PPP1R15B: variants seen among roughly 807,000 people sequenced by gnomAD.
The protein encoded by PPP1R15B is protein phosphatase 1 regulatory subunit 15B.
Under a neutral mutation model 53.9 loss-of-function variants are expected in PPP1R15B, and 31 were observed. The observed-to-expected ratio is 0.58, with a 90% confidence interval of 0.43 to 0.78. PPP1R15B has a LOEUF of 0.78. Ranked by LOEUF, PPP1R15B falls within the 30% of genes least tolerant of loss-of-function variation. The probability of loss-of-function intolerance (pLI) is 0.00; values close to 1 mark genes in which losing one functional copy is unlikely to be tolerated. For missense variants in PPP1R15B, 928 were observed against 849.6 expected, an observed-to-expected ratio of 1.09 and a Z score of -1.15; for synonymous variants, 345 against 329.1, an observed-to-expected ratio of 1.05 and a Z score of -0.52.
rs535999861 is a variant in PPP1R15B, at chr1:204,411,570, G to A, written c.-159C>T. 1.0e-4 allele frequency: 100 copies of A among 976,228 alleles called. No individual in the cohort carries two copies. The highest frequency in any genetic ancestry group is 1.4e-4 in the Non-Finnish European group (96 of 665,268). The allele number at this position is 976,228 out of a possible 1,614,324, so 60.5% of individuals were successfully genotyped here. ...CAGCAGAAAAGCCACAGAGGGCAGC[G>A]AATGCGGCAGCGGGCGGCAGAACAC... is the stretch of plus-strand genomic sequence containing the variant. On this transcript the variant is annotated 5_prime_UTR_variant, in exon 1 of 2. Coordinates refer to ENST00000367188, the MANE Select transcript of PPP1R15B (RefSeq NM_032833.5).
Position 204,410,638 on chromosome 1 carries a change from G to A in PPP1R15B, c.774C>T (p.Ser258=), listed in dbSNP as rs1178476157. The A allele has an allele frequency of 1.9e-6, 3 of 1,613,926 alleles. No homozygotes were observed. The highest frequency in any genetic ancestry group is 2.5e-6 in the Non-Finnish European group (3 of 1,179,948). Residue 258 remains serine, a synonymous_variant, in exon 1 of 2, where the codon AGC becomes AGT. Transcript: ENST00000367188. ...GATGACAATGGTCCTCTCTCAGGCAGCTGCTCTCTGGGGTTAGTGTCTGGA... is the reference window on the plus strand; with the variant it reads ...GATGACAATGGTCCTCTCTCAGGCAACTGCTCTCTGGGGTTAGTGTCTGGA... The part of the protein sequence containing the change: ...VGFQTLTPES[S]CLREDHCHPQ...
chr1:204,409,666 C>T lies in PPP1R15B; in HGVS notation c.1746G>A (p.Glu582=). 6.2e-7 allele frequency: 1 copy of T among 1,614,120 alleles called. No homozygotes were observed. The highest frequency in any genetic ancestry group is 8.5e-7 in the Non-Finnish European group (1 of 1,180,012). ...GGGTCTTTGAGTCACGACAGCCTTTCTCATTTTCCCCTGATGTTTGAAAAG... is the reference window on the plus strand; with the variant it reads ...GGGTCTTTGAGTCACGACAGCCTTTTTCATTTTCCCCTGATGTTTGAAAAG... ...KAPFQTSGEN[E]KGCRDSKTPS... The change falls in exon 1 of 2, where the codon GAG becomes GAA. Residue 582 remains glutamate (E), a synonymous_variant. Transcript: ENST00000367188.
chr1:204,402,661 A>G (rs1367748836), downstream of PPP1R15B, among the ~76,000 whole-genome samples: 1 of 151,738 alleles, frequency 6.6e-6, no homozygotes, highest in Non-Finnish European at 1.5e-5. Context: ...GCCTCAAGCA[A>G]TCCTCCCACC....
chr1:204,405,323 G>T lies in PPP1R15B; in HGVS notation c.*769C>A, dbSNP rs1469454785. 1.0e-6 allele frequency: 1 copy of T among 980,046 alleles called. No individual in the cohort carries two copies. Among genetic ancestry groups the T allele is most frequent in the Non-Finnish European group, 1.2e-6 (1 of 825,108 alleles). 60.7% of individuals were successfully genotyped at this position (980,046 alleles called of 1,614,324 possible). ...GATACAAAGAACTATATTAAACTGG[G>T]AACTACAATAACGTACACAGAACCC... On this transcript the variant is annotated 3_prime_UTR_variant, in exon 2 of 2. Transcript: ENST00000367188.
downstream of PPP1R15B, among the ~76,000 whole-genome samples, chr1:204,397,065 G>A (rs1240699530): frequency 4.6e-5 from 7 of 152,092 alleles, no homozygotes; most frequent in Non-Finnish European, 2.9e-5. Context: ...GTGTGAGCCT[G>A]TGGTCCCAGC....
At position 204,409,587 on chromosome 1, in the gene PPP1R15B, C is replaced by T. The variant is rs780012685; in HGVS notation, c.1825G>A (p.Val609Met). Reference protein sequence around the residue: ...SECHTLLSCKVQLLGSQESEC... With the variant: ...SECHTLLSCKMQLLGSQESEC... Reference sequence around the variant, plus strand: ...CTTTCTTGGCTCCCCAACAGCTGCACCTTACAAGAAAGTAAGGTGTGACAC... The same window carrying T: ...CTTTCTTGGCTCCCCAACAGCTGCATCTTACAAGAAAGTAAGGTGTGACAC... Residue 609 changes from valine (V) to methionine (M), a missense_variant, in exon 1 of 2, where the codon GTG becomes ATG. Coordinates refer to ENST00000367188, the MANE Select transcript of PPP1R15B (RefSeq NM_032833.5). 1.2e-6 allele frequency: 2 copies of T among 1,614,134 alleles called. No homozygotes were observed. Among genetic ancestry groups the T allele is most frequent in the Admixed American group, 1.7e-5 (1 of 60,020 alleles).
Position 204,411,264 on chromosome 1 carries a change from G to A in PPP1R15B, c.148C>T (p.Leu50=), listed in dbSNP as rs201073582. ...GTCTCGGGCTGGGCAGAGGAAAGCA[G>A]TGTGGGGTTCCCGGAGTTTTCCGGG... ...LGPENSGNPT[L]LSSAQPETRV... Residue 50 remains leucine, a synonymous_variant, in exon 1 of 2, where the codon CTG becomes TTG. Transcript: ENST00000367188. 6.2e-6 allele frequency: 10 copies of A among 1,614,254 alleles called. No individual in the cohort carries two copies. The East Asian group carries it at 1.3e-4, about 22-fold the overall frequency.
intron 1 of PPP1R15B, among the ~76,000 whole-genome samples, chr1:204,408,986 C>G (rs1213749803): frequency 1.3e-5 from 2 of 152,190 alleles, no homozygotes; most frequent in Non-Finnish European, 2.9e-5. Flanking sequence ...CCAGATAAAT[C>G]TGACTTGCTA....
At chr1:204,402,987 G>A (rs569505849), downstream of PPP1R15B, among the ~76,000 whole-genome samples, 22 of 152,162 alleles carry the variant, frequency 1.4e-4, no homozygotes, top group South Asian at 4.2e-4. Context: ...CAGGAGAATC[G>A]CTTGAAACCG....
At position 204,411,230 on chromosome 1, in the gene PPP1R15B, C is replaced by G; in HGVS notation, c.182G>C (p.Ser61Thr). The change falls in exon 1 of 2, where the codon AGT (serine) becomes ACT (threonine). Residue 61 changes from serine (S) to threonine (T), a missense_variant. Physicochemically the swap from Ser to Thr is moderately conservative, Grantham distance 58 (BLOSUM62 1). Coordinates refer to ENST00000367188, the MANE Select transcript of PPP1R15B (RefSeq NM_032833.5). ...LSSAQPETRV[S>T]YWTKLLSQLL... is the part of the protein sequence containing the mutation. ...CTGGGAGAGCAGTTTCGTCCAGTAA[C>G]TGACCCGAGTCTCGGGCTGGGCAGA... is the stretch of plus-strand genomic sequence containing the variant. The G allele has an allele frequency of 6.2e-7, 1 of 1,614,256 alleles. No individual in the cohort carries two copies. Among genetic ancestry groups the G allele is most frequent in the Non-Finnish European group, 8.5e-7 (1 of 1,180,046 alleles).
Position 204,411,446 on chromosome 1 carries a change from C to G in PPP1R15B, c.-35G>C. The G allele has an allele frequency of 6.3e-7, 1 of 1,583,716 alleles. No homozygotes were observed. The highest frequency in any genetic ancestry group is 1.1e-5 in the South Asian group (1 of 87,982). On this transcript the variant is annotated 5_prime_UTR_variant, in exon 1 of 2. Coordinates refer to ENST00000367188, the MANE Select transcript of PPP1R15B (RefSeq NM_032833.5). ...CTTGACAGTCTCTCAGGTAGGGCCG[C>G]GGCGCTCAGCGGCTGGAGGTCGACG...
At chr1:204,408,085 T>C (rs1471659429) in intron 1 of PPP1R15B, among the ~76,000 whole-genome samples, 1 of 152,246 alleles carries the variant, frequency 6.6e-6, no homozygotes, top group East Asian at 1.9e-4. Context: ...TTTTATTTAC[T>C]TGTCTCATTT....
chr1:204,402,381 A>G (rs1674192033), downstream of PPP1R15B, among the ~76,000 whole-genome samples: 2 of 152,154 alleles, frequency 1.3e-5, no homozygotes, highest in Admixed American at 1.3e-4. Flanking sequence ...GACAGTCTCA[A>G]TGATCCATAT....
chr1:204,404,826 A>T lies in PPP1R15B; in HGVS notation c.*1266T>A. 7.1e-6 allele frequency: 7 copies of T among 985,874 alleles called. No individual in the cohort carries two copies. The highest frequency in any genetic ancestry group is 8.4e-6 in the Non-Finnish European group (7 of 829,926). 61.1% of individuals were successfully genotyped at this position (985,874 alleles called of 1,614,324 possible). ...CAACCCCTCAACCTAACTTATGTGTACCTTGTAAAGCTAAACAAATAAACC... is the reference window on the plus strand; with the variant it reads ...CAACCCCTCAACCTAACTTATGTGTTCCTTGTAAAGCTAAACAAATAAACC... On this transcript the variant is annotated 3_prime_UTR_variant, in exon 2 of 2. Coordinates refer to ENST00000367188, the MANE Select transcript of PPP1R15B (RefSeq NM_032833.5).
rs957369534 is a variant in PPP1R15B, at chr1:204,405,171, A to G, written c.*921T>C. 1.0e-6 allele frequency: 1 copy of G among 985,648 alleles called. No homozygotes were observed. The highest frequency in any genetic ancestry group is 1.2e-6 in the Non-Finnish European group (1 of 829,824). The allele number at this position is 985,648 out of a possible 1,614,324, so 61.1% of individuals were successfully genotyped here. ...TGTTGAGAACATATACACCAAAACC[A>G]AATTGCTCTGAGATGTCTCCTATTT... On this transcript the variant is annotated 3_prime_UTR_variant, in exon 2 of 2. Transcript: ENST00000367188.
At chr1:204,403,256 C>T (rs1674207968), downstream of PPP1R15B, 1 of 271,026 alleles carries the variant, frequency 3.7e-6, no homozygotes, top group Non-Finnish European at 5.6e-6. Flanking sequence ...TCTCATAATA[C>T]TGCAAGAACC....
Position 204,403,667 on chromosome 1 carries a change from CACTT to C in PPP1R15B, c.*2421_*2424del. 4.1e-6 allele frequency: 4 copies of C among 984,694 alleles called. No homozygotes were observed. The highest frequency in any genetic ancestry group is 4.8e-6 in the Non-Finnish European group (4 of 828,862). 61.0% of individuals were successfully genotyped at this position (984,694 alleles called of 1,614,324 possible). ...CAAAGCCTTTTACATGCTACATTGA[CACTT>C]AAAGCACCATTAACAAGACTTTAAA... On this transcript the variant is annotated 3_prime_UTR_variant, in exon 2 of 2. Transcript: ENST00000367188.
chr1:204,410,449 G>A lies in PPP1R15B; in HGVS notation c.963C>T (p.Gly321=). 1 of 1,614,226 alleles carries A rather than the reference G, an allele frequency of 6.2e-7. No homozygotes were observed. The highest frequency in any genetic ancestry group is 1.1e-5 in the South Asian group (1 of 91,088). ...QDLPTPDQDN[G]YHSLEEEHSL... ...TGTGTTCCTCCTCCAGGCTGTGGTA[G>A]CCATTATCCTGGTCAGGGGTGGGTA... Residue 321 remains glycine, a synonymous_variant, in exon 1 of 2, where the codon GGC becomes GGT. Transcript: ENST00000367188.
At position 204,410,827 on chromosome 1, in the gene PPP1R15B, G is replaced by A; in HGVS notation, c.585C>T (p.Tyr195=). The part of the protein sequence containing the change: ...LLPSSLQSRL[Y]SNRELGSSPS... ...GCGAAGAGCCAAGTTCCCGGTTAGA[G>A]TACAGACGGGATTGAAGGCTACTGG... The change falls in exon 1 of 2, where the codon TAC becomes TAT. Residue 195 remains tyrosine (Y), a synonymous_variant. Transcript: ENST00000367188. The A allele has an allele frequency of 2.5e-6, 4 of 1,614,230 alleles. No individual in the cohort carries two copies. The highest frequency in any genetic ancestry group is 2.2e-5 in the East Asian group (1 of 44,894).
Sources: gnomAD v4.1 joint callset for allele counts (sites outside exome capture counted in the v4.1 genomes callset) on GRCh38, gnomAD v4.1.1 for gene constraint, MANE v1.5 for transcripts, NCBI Gene and HGNC (gene_info 2026-07-23, HGNC 2026-07-21) for gene names.